The following EYA4 variants were observed in gnomAD, a reference collection of about 807,000 sequenced individuals.
EYA4 encodes EYA transcriptional coactivator and phosphatase 4, also known as protein phosphatase EYA4.
EYA4 carries 31 observed loss-of-function variants against 87.9 expected under a neutral mutation model. The observed-to-expected ratio is 0.35, with a 90% CI of 0.27 to 0.48. The LOEUF is 0.48. Ranked by LOEUF, EYA4 falls within the 20% of genes least tolerant of loss-of-function variation. The pLI is 0.99. For synonymous variants in EYA4, 263 were observed against 270.6 expected (o/e 0.97, Z 0.28); for missense variants, 678 against 761.4 (o/e 0.89, Z 1.29).
intron 1 of EYA4, among the ~76,000 whole-genome samples, chr6:133,267,255 C>T (rs962480305): frequency 6.6e-6 from 1 of 152,122 alleles, no homozygotes; most frequent in African/African-American, 2.4e-5. Context: ...AATTGTTTAT[C>T]AAATTTTTTT....
chr6:133,418,727 A>G (rs1004941807), intron 3 of EYA4, among the ~76,000 whole-genome samples: 16 of 152,236 alleles, frequency 1.1e-4, no homozygotes, highest in African/African-American at 3.1e-4. Context: ...ATGGTAGTCC[A>G]GGAACTAAGC....
At chr6:133,266,803 A>C (rs1776257747) in intron 1 of EYA4, among the ~76,000 whole-genome samples, 1 of 152,178 alleles carries the variant, frequency 6.6e-6, no homozygotes, top group African/African-American at 2.4e-5. Context: ...GATTTTTCCT[A>C]AAATGGCTAT....
intron 19 of EYA4, among the ~76,000 whole-genome samples, chr6:133,525,619 G>A (rs1167277587): frequency 6.6e-6 from 1 of 152,000 alleles, no homozygotes; most frequent in Non-Finnish European, 1.5e-5. Flanking sequence ...GATGAGCCAG[G>A]GGATCTGCAA....
intron 3 of EYA4, among the ~76,000 whole-genome samples, chr6:133,433,501 A>G (rs905245173): frequency 5.3e-5 from 8 of 152,314 alleles, no homozygotes; most frequent in African/African-American, 1.7e-4. Context: ...GACTACAGGC[A>G]TGCGCCACCA....
intron 2 of EYA4, among the ~76,000 whole-genome samples, chr6:133,320,033 A>C (rs1780953928): frequency 6.6e-6 from 1 of 152,018 alleles, no homozygotes; most frequent in South Asian, 2.1e-4. Flanking sequence ...TTTTAAAAAT[A>C]GCTCTGATAA....
At chr6:133,368,679 T>C (rs998346987) in intron 2 of EYA4, among the ~76,000 whole-genome samples, 2 of 152,156 alleles carry the variant, frequency 1.3e-5, no homozygotes, top group Admixed American at 1.3e-4. Flanking sequence ...TCCACATGCT[T>C]TGTGAACTTT....
Position 133,425,608 on chromosome 6 carries a change from G to A in EYA4, c.84-21022G>A, listed in dbSNP as rs980748071. ...TCAAAACCTGAATTATTTTTGTAAT[G>A]TCCCTCTGTTCACATTTGATTAGTT... On this transcript the variant is annotated intron_variant, in intron 3 of 19. Transcript: ENST00000355286. Among the ~76,000 whole-genome samples, 34 of 150,534 alleles carry A rather than the reference G, an allele frequency of 2.3e-4. 2 individuals carry two copies. The highest frequency in any genetic ancestry group is 8.0e-4 in the African/African-American group (32 of 40,118).
chr6:133,244,096 C>T (rs1774208018), intron 1 of EYA4, among the ~76,000 whole-genome samples: 1 of 152,172 alleles, frequency 6.6e-6, no homozygotes, highest in Non-Finnish European at 1.5e-5. Context: ...TTGAAAATGT[C>T]TCCTTTCTCT....
chr6:133,494,048 T>C (rs371795007), intron 13 of EYA4, among the ~76,000 whole-genome samples: 230 of 152,310 alleles, frequency 1.5e-3, no homozygotes, highest in African/African-American at 5.4e-3. Flanking sequence ...AGAACTACCA[T>C]GTGATCCAGC....
intron 2 of EYA4, among the ~76,000 whole-genome samples, chr6:133,301,239 C>T (rs1779382239): frequency 6.6e-6 from 1 of 152,192 alleles, no homozygotes; most frequent in Non-Finnish European, 1.5e-5. Flanking sequence ...TTCAAAAAAA[C>T]ATTTACAGAG....
intron 2 of EYA4, among the ~76,000 whole-genome samples, chr6:133,349,517 A>G (rs1783472307): frequency 6.6e-6 from 1 of 152,208 alleles, no homozygotes; most frequent in South Asian, 2.1e-4. Context: ...GAGTTTTATT[A>G]GGAACTTTTA....
intron 3 of EYA4, among the ~76,000 whole-genome samples, chr6:133,442,959 T>G (rs1456338482): frequency 6.6e-6 from 1 of 152,128 alleles, no homozygotes; most frequent in East Asian, 1.9e-4. Context: ...AAATCAGCTT[T>G]ACATTACTGG....
intron 2 of EYA4, among the ~76,000 whole-genome samples, chr6:133,294,062 T>TATATATATATATATATATAAA (rs71003632): frequency 9.5e-6 from 1 of 105,162 alleles, no homozygotes; most frequent in Non-Finnish European, 2.1e-5. Flanking sequence ...TATATATATA[T>TATATATATATATATATATAAA]AATTCTATTC....
intron 2 of EYA4, among the ~76,000 whole-genome samples, chr6:133,355,514 G>A (rs898870679): frequency 1.6e-4 from 24 of 152,156 alleles, no homozygotes; most frequent in Non-Finnish European, 3.4e-4. Flanking sequence ...AAAAGAACAA[G>A]ATAATGTCCT....
In EYA4 at chr6:133,294,060, T is replaced by TAA. The variant is rs1185030838; in HGVS notation, c.33+19248_33+19249insAA. ...ATATATATATATATATATATATATA[T>TAA]ATAATTCTATTCTATATATAACATT... is the stretch of plus-strand genomic sequence containing the variant. On this transcript the variant is annotated intron_variant, in intron 2 of 19. Coordinates refer to ENST00000355286, the MANE Select transcript of EYA4 (RefSeq NM_004100.5). Among the ~76,000 whole-genome samples the TAA allele has an allele frequency of 3.3e-4, 31 of 94,912 alleles. 2 individuals carry two copies. Among genetic ancestry groups the TAA allele is most frequent in the African/African-American group, 6.2e-4 (17 of 27,212 alleles). The allele number at this position is 94,912 out of a possible 152,430, so 62.3% of individuals were successfully genotyped here.
Position 133,347,180 on chromosome 6 carries a change from G to T in EYA4, c.34-35212G>T, listed in dbSNP as rs565354222. Reference sequence around the variant, plus strand: ...CGTGCAACTTTGTTCCACATTTCATGATATCCTTTTCATATCTAAATTCAC... The same window carrying T: ...CGTGCAACTTTGTTCCACATTTCATTATATCCTTTTCATATCTAAATTCAC... On this transcript the variant is annotated intron_variant, in intron 2 of 19. Transcript: ENST00000355286. Among the ~76,000 whole-genome samples the T allele has an allele frequency of 2.6e-4, 39 of 152,252 alleles. No homozygotes were observed. The South Asian group carries it at 7.7e-3, about 30-fold the overall frequency.
intron 1 of EYA4, among the ~76,000 whole-genome samples, chr6:133,260,842 C>T (rs1775742628): frequency 6.6e-6 from 1 of 152,158 alleles, no homozygotes; most frequent in African/African-American, 2.4e-5. Context: ...TCTATCCCCC[C>T]TCCAATAAAT....
intron 2 of EYA4, among the ~76,000 whole-genome samples, chr6:133,319,748 A>T: frequency 1.4e-5 from 2 of 138,814 alleles, no homozygotes; most frequent in Admixed American, 7.5e-5. Flanking sequence ...ATATTGCTTC[A>T]CTCTGTCACT....
At chr6:133,394,300 T>TTTTTG (rs1787594052) in intron 3 of EYA4, among the ~76,000 whole-genome samples, 1 of 143,394 alleles carries the variant, frequency 7.0e-6, no homozygotes, top group African/African-American at 2.6e-5. Context: ...TTTTTTTTTT[T>TTTTTG]TTTTTTTTTT....
Sources: allele counts gnomAD v4.1 joint callset (sites outside exome capture counted in the v4.1 genomes callset), GRCh38; gene constraint gnomAD v4.1.1; transcripts MANE v1.5; gene names NCBI Gene and HGNC (gene_info 2026-07-23, HGNC 2026-07-21).